Variants in INO80D observed in about 807,000 individuals in gnomAD.
The protein encoded by INO80D is INO80 complex subunit D.
In INO80D, 21 loss-of-function variants were observed where a neutral mutation model predicts 87.6. The observed-to-expected ratio is 0.24, with a 90% CI of 0.17 to 0.35. The LOEUF is 0.35. Among genes scored for constraint, INO80D ranks in the 10% least tolerant of loss-of-function variants. INO80D has a pLI of 1.00. For missense variants in INO80D, 982 were observed against 1,280.7 expected, an observed-to-expected ratio of 0.77 and a Z score of 3.56; for synonymous variants, 440 against 491.0, an observed-to-expected ratio of 0.90 and a Z score of 1.37.
chr2:206,015,968 G>A (rs921954804), intron 8 of INO80D, among the ~76,000 whole-genome samples: 3 of 152,186 alleles, frequency 2.0e-5, no homozygotes, highest in African/African-American at 4.8e-5. Flanking sequence ...GGGAACCTCT[G>A]CTAGAATAGT....
At chr2:206,053,695 T>C (rs919565614) in intron 4 of INO80D, among the ~76,000 whole-genome samples, 4 of 152,218 alleles carry the variant, frequency 2.6e-5, no homozygotes, top group African/African-American at 9.6e-5. Context: ...ATCAGGCCAA[T>C]AGCCATATAC....
At chr2:206,051,321 A>G (rs1476205020) in intron 4 of INO80D, among the ~76,000 whole-genome samples, 1 of 151,600 alleles carries the variant, frequency 6.6e-6, no homozygotes, top group Non-Finnish European at 1.5e-5. Context: ...GACTTAAGGG[A>G]TCCTTCCGCC....
intron 1 of INO80D, among the ~76,000 whole-genome samples, chr2:206,075,305 T>G (rs1265800855): frequency 6.6e-6 from 1 of 152,232 alleles, no homozygotes; most frequent in Non-Finnish European, 1.5e-5. Flanking sequence ...AATCTCTATG[T>G]CACTGCTGTT....
chr2:206,001,021 G>A lies in INO80D; in HGVS notation c.*3347C>T, dbSNP rs776828936. The A allele has an allele frequency of 2.6e-5, 4 of 152,130 alleles. No homozygotes were observed. The highest frequency in any genetic ancestry group is 4.4e-5 in the Non-Finnish European group (3 of 68,026). The allele number at this position is 152,130 out of a possible 1,614,324, so 9.4% of individuals were successfully genotyped here. A position where few individuals can be genotyped will look rare whatever the true frequency, so the allele number is the denominator to read the frequency against. On this transcript the variant is annotated 3_prime_UTR_variant, in exon 11 of 11. Coordinates refer to ENST00000403263, the MANE Select transcript of INO80D (RefSeq NM_017759.5). ...TCCTTTGCTGTCTAAGCTATGTGAC[G>A]ATAATTAGAAAATTTTTCCATTGCA...
chr2:206,017,663 T>A lies in INO80D; in HGVS notation c.1542+17A>T, dbSNP rs1284786552. The stretch of plus-strand genomic sequence containing the variant: ...GATAGCTACAAAAAGTTTGAAAGCC[T>A]CTGTTGCAGAACTTACCATTTTTTT... On this transcript the variant is annotated intron_variant, in intron 8 of 10. Transcript: ENST00000403263. 10 of 1,547,988 alleles carry A rather than the reference T, an allele frequency of 6.5e-6. No homozygotes were observed. Among genetic ancestry groups the A allele is most frequent in the South Asian group, 1.2e-5 (1 of 81,052 alleles).
intron 3 of INO80D, among the ~76,000 whole-genome samples, chr2:206,059,816 A>G (rs1271035692): frequency 6.6e-6 from 1 of 152,196 alleles, no homozygotes; most frequent in East Asian, 1.9e-4. Context: ...CTTAAACAGA[A>G]CAGATTCACA....
intron 8 of INO80D, among the ~76,000 whole-genome samples, chr2:206,012,101 T>C (rs1259162841): frequency 6.6e-6 from 1 of 152,078 alleles, no homozygotes; most frequent in Non-Finnish European, 1.5e-5. Flanking sequence ...CATTAGCAGG[T>C]TTTGATTTTA....
chr2:206,054,967 T>C (rs1478822817), intron 4 of INO80D, among the ~76,000 whole-genome samples: 1 of 152,188 alleles, frequency 6.6e-6, no homozygotes, highest in East Asian at 1.9e-4. Context: ...TTTAAATTAG[T>C]AGATATTGCT....
chr2:206,030,628 G>A lies in INO80D; in HGVS notation c.1074-2293C>T, dbSNP rs142161293. ...GAACAGCAAGAATGTAAGTAGCTTG[G>A]TGTGGCTAAGGTAAGGGGTCTGTAA... On this transcript the variant is annotated intron_variant, in intron 5 of 10. Transcript: ENST00000403263. 2.4e-3 allele frequency among the ~76,000 whole-genome samples: 364 copies of A among 152,294 alleles called. 3 individuals are homozygous for A. Among genetic ancestry groups the A allele is most frequent in the African/African-American group, 8.4e-3 (350 of 41,558 alleles).
intron 10 of INO80D, among the ~76,000 whole-genome samples, chr2:206,006,271 A>G (rs1688021508): frequency 6.6e-6 from 1 of 152,192 alleles, no homozygotes; most frequent in African/African-American, 2.4e-5. Flanking sequence ...AGTATAAAAT[A>G]TTTCCCCTGA....
At chr2:206,047,940 T>G (rs949523867) in intron 4 of INO80D, among the ~76,000 whole-genome samples, 3 of 149,166 alleles carry the variant, frequency 2.0e-5, no homozygotes, top group Non-Finnish European at 3.0e-5. Flanking sequence ...AAGCTCCGCC[T>G]CCTGGGTTCA....
rs756875625 is a variant in INO80D at position 206,004,752 on chromosome 2, G to T, written c.2700C>A (p.Pro900=). ...WGNLPVNLGD[P]SPFSNLLGAD... ...CGCCGAGAAGGTTGCTAAATGGAGA[G>T]GGGTCTCCAAGGTTGACAGGGAGAT... Residue 900 remains proline, a synonymous_variant, in exon 11 of 11, where the codon CCC becomes CCA. Coordinates refer to ENST00000403263, the MANE Select transcript of INO80D (RefSeq NM_017759.5). This position sits in a 1 kb window ranked among gnomAD's most constrained non-coding sequence, Gnocchi z 4.9. 6.2e-7 allele frequency: 1 copy of T among 1,614,008 alleles called. No homozygotes were observed. The highest frequency in any genetic ancestry group is 2.2e-5 in the East Asian group (1 of 44,886).
intron 6 of INO80D, chr2:206,025,542 A>AAAAAAAAAAAAAAAAAAAATAT (rs71301548): frequency 2.6e-5 from 2 of 76,946 alleles, no homozygotes; most frequent in Admixed American, 2.0e-4. Context: ...AAAAAAAAAA[A>AAAAAAAAAAAAAAAAAAAATAT]ATATATATAT....
At chr2:206,076,856 G>A (rs138086034) in intron 1 of INO80D, among the ~76,000 whole-genome samples, 1,714 of 152,272 alleles carry the variant, frequency 0.011, 22 homozygotes, top group Middle Eastern at 0.024. Flanking sequence ...AGTTATTTAG[G>A]CTTCAGTCTT....
At chr2:206,064,407 G>A (rs1364164398) in intron 1 of INO80D, among the ~76,000 whole-genome samples, 1 of 152,138 alleles carries the variant, frequency 6.6e-6, no homozygotes, top group Non-Finnish European at 1.5e-5. Context: ...GATGGCTGAT[G>A]GAACAGCTCA....
intron 1 of INO80D, among the ~76,000 whole-genome samples, chr2:206,079,621 A>C (rs1213693723): frequency 6.6e-6 from 1 of 152,022 alleles, no homozygotes; most frequent in Non-Finnish European, 1.5e-5. Flanking sequence ...CCCTCTTCAA[A>C]TCTCTTGTCA....
At chr2:206,012,215 G>A (rs1688194309) in intron 8 of INO80D, among the ~76,000 whole-genome samples, 1 of 152,176 alleles carries the variant, frequency 6.6e-6, no homozygotes, top group South Asian at 2.1e-4. Context: ...GAAGTATAGG[G>A]GCAGAAAATA....
intron 6 of INO80D, among the ~76,000 whole-genome samples, chr2:206,023,678 T>C (rs1688526730): frequency 8.1e-6 from 1 of 122,726 alleles, no homozygotes; most frequent in South Asian, 2.5e-4. Flanking sequence ...GTGAGACTCA[T>C]CTAAAAAAAA....
At chr2:206,024,145 G>T (rs1688540625) in intron 6 of INO80D, among the ~76,000 whole-genome samples, 1 of 152,088 alleles carries the variant, frequency 6.6e-6, no homozygotes, top group African/African-American at 2.4e-5. Flanking sequence ...TATAACCTGT[G>T]TCAAACTGAG....
Sources: gnomAD v4.1 joint callset for allele counts (sites outside exome capture counted in the v4.1 genomes callset) on GRCh38, gnomAD v4.1.1 for gene constraint, Gnocchi (gnomAD v3.1) non-coding constraint, MANE v1.5 for transcripts, NCBI Gene and HGNC (gene_info 2026-07-23, HGNC 2026-07-21) for gene names.